NFE2L3: variants seen among roughly 807,000 people sequenced by gnomAD.
NFE2L3 encodes the protein nuclear factor erythroid 2-related factor 3.
A neutral mutation model predicts 23.5 loss-of-function variants in NFE2L3; 18 were observed. That is an observed-to-expected ratio of 0.77 (90% CI 0.53 to 1.13). NFE2L3 has a LOEUF of 1.13. Ranked by LOEUF, NFE2L3 falls within the 50% of genes most tolerant of loss-of-function variation. NFE2L3 has a pLI of 0.00. For missense variants in NFE2L3, 1,152 were observed against 877.2 expected, an observed-to-expected ratio of 1.31 and a Z score of -3.96; for synonymous variants, 424 against 354.5, an observed-to-expected ratio of 1.20 and a Z score of -2.20.
intron 1 of NFE2L3, among the ~76,000 whole-genome samples, chr7:26,176,267 C>G (rs1784403715): frequency 6.6e-6 from 1 of 152,190 alleles, no homozygotes; most frequent in Admixed American, 6.5e-5. Context: ...TCTTTCTACA[C>G]AGACACAGTA....
chr7:26,182,120 A>AT (rs1033661193), intron 2 of NFE2L3, among the ~76,000 whole-genome samples: 7 of 152,084 alleles, frequency 4.6e-5, no homozygotes, highest in African/African-American at 1.7e-4. Flanking sequence ...ACGAAAACAA[A>AT]TTAAGTCCTA....
chr7:26,153,123 C>G, intron 1 of NFE2L3, 55 bp downstream of exon 1: 1 of 1,469,160 alleles, frequency 6.8e-7, no homozygotes, highest in Non-Finnish European at 9.0e-7. Flanking sequence ...CCGGGAGCCC[C>G]CGAGGCTTGT....
At chr7:26,178,222 C>A in intron 2 of NFE2L3, 100 bp downstream of exon 2, 1 of 940,850 alleles carries the variant, frequency 1.1e-6, no homozygotes, top group Non-Finnish European at 1.6e-6. Flanking sequence ...AAACAGTATG[C>A]TCTACTATTA....
chr7:26,181,519 A>G (rs2128100028), intron 2 of NFE2L3, among the ~76,000 whole-genome samples: 1 of 152,194 alleles, frequency 6.6e-6, no homozygotes, highest in East Asian at 1.9e-4. Context: ...ATAAGATCTG[A>G]ATGCACACTA....
Position 26,185,939 on chromosome 7 carries a change from A to C in NFE2L3, c.*156A>C. 4.6e-6 allele frequency: 3 copies of C among 648,124 alleles called. No homozygotes were observed. The highest frequency in any genetic ancestry group is 7.5e-6 in the Non-Finnish European group (3 of 398,374). 40.1% of individuals were successfully genotyped at this position (648,124 alleles called of 1,614,324 possible). A position where few individuals can be genotyped will look rare whatever the true frequency, so the allele number is the denominator to read the frequency against. On this transcript the variant is annotated 3_prime_UTR_variant, in exon 4 of 4. Coordinates refer to ENST00000056233, the MANE Select transcript of NFE2L3 (RefSeq NM_004289.7). ...GCTGTTTTGAAGCTTACATGGACAA[A>C]TGTTTAGGACTTCAAGATCACACTT...
chr7:26,179,816 AGAACATAG>A (rs1480190221), intron 2 of NFE2L3, among the ~76,000 whole-genome samples: 2 of 152,190 alleles, frequency 1.3e-5, no homozygotes, highest in African/African-American at 4.8e-5. Context: ...TGGGGTGCTA[AGAACATAG>A]GAAATTGTTT....
At chr7:26,176,166 G>C (rs982426285) in intron 1 of NFE2L3, among the ~76,000 whole-genome samples, 22 of 152,132 alleles carry the variant, frequency 1.4e-4, no homozygotes, top group African/African-American at 4.6e-4. Context: ...TCAGAGAGCA[G>C]GGGGTTGGGA....
chr7:26,156,965 A>AGC (rs1439299184), intron 1 of NFE2L3, among the ~76,000 whole-genome samples: 1 of 152,084 alleles, frequency 6.6e-6, no homozygotes, highest in Non-Finnish European at 1.5e-5. Context: ...ACTAAAAATT[A>AGC]GCCGGGCACG....
chr7:26,159,019 C>T (rs1220570572), intron 1 of NFE2L3, among the ~76,000 whole-genome samples: 4 of 152,210 alleles, frequency 2.6e-5, no homozygotes, highest in Non-Finnish European at 4.4e-5. Flanking sequence ...AATTTACTCC[C>T]GTCCATTGTG....
chr7:26,172,897 C>T (rs1336380592), intron 1 of NFE2L3, among the ~76,000 whole-genome samples: 2 of 152,110 alleles, frequency 1.3e-5, no homozygotes, highest in Admixed American at 6.5e-5. Context: ...CAGAGTGATA[C>T]TTTGAGACTC....
chr7:26,180,923 T>C (rs764693012), intron 2 of NFE2L3, among the ~76,000 whole-genome samples: 3 of 152,216 alleles, frequency 2.0e-5, no homozygotes, highest in Admixed American at 1.3e-4. Context: ...ATCTCCATGT[T>C]CCTAGCCTGA....
chr7:26,153,078 G>A lies in NFE2L3; in HGVS notation c.570+10G>A. 1.3e-6 allele frequency: 2 copies of A among 1,520,936 alleles called. No homozygotes were observed. The highest frequency in any genetic ancestry group is 1.8e-6 in the Non-Finnish European group (2 of 1,138,778). The allele number at this position is 1,520,936 out of a possible 1,614,324, so 94.2% of individuals were successfully genotyped here. A position where few individuals can be genotyped will look rare whatever the true frequency, so the allele number is the denominator to read the frequency against. On this transcript the variant is annotated intron_variant, in intron 1 of 3. Transcript: ENST00000056233. The stretch of plus-strand genomic sequence containing the variant: ...CGGATGTGCGAGCGAGGTAGGTGCA[G>A]AGCGGGAAGCGAGCGAAGTGCGGCG...
At chr7:26,163,368 C>G (rs979660558) in intron 1 of NFE2L3, among the ~76,000 whole-genome samples, 2 of 152,108 alleles carry the variant, frequency 1.3e-5, no homozygotes, top group Admixed American at 1.3e-4. Context: ...TTTTTTGAAA[C>G]GGAGATTTGC....
intron 1 of NFE2L3, among the ~76,000 whole-genome samples, chr7:26,172,701 G>C (rs1320105921): frequency 6.6e-6 from 1 of 152,188 alleles, no homozygotes; most frequent in Admixed American, 6.5e-5. Flanking sequence ...TCAATGATTA[G>C]ATTGAGATTA....
rs752243140 is a variant in NFE2L3, at chr7:26,178,041, T to C, written c.669T>C (p.Leu223=). The C allele has an allele frequency of 2.2e-5, 36 of 1,614,016 alleles. No homozygotes were observed. The highest frequency in any genetic ancestry group is 3.1e-5 in the Non-Finnish European group (36 of 1,180,000). ...ERVSAQKENS[L]QQNDDDENKI... is the part of the protein sequence containing the mutation. ...TGTCAGCCCAGAAGGAGAACTCACT[T>C]CAGCAGAATGATGATGATGAAAACA... Residue 223 remains leucine (L), a synonymous_variant, in exon 2 of 4, where the codon CTT becomes CTC. Coordinates refer to ENST00000056233, the MANE Select transcript of NFE2L3 (RefSeq NM_004289.7).
At chr7:26,182,629 A>T (rs961181131) in intron 2 of NFE2L3, among the ~76,000 whole-genome samples, 1 of 149,232 alleles carries the variant, frequency 6.7e-6, no homozygotes, top group African/African-American at 2.6e-5. Context: ...CTGTCTCAAA[A>T]TAATTCCATG....
rs1381930231 is a variant in NFE2L3, at chr7:26,152,662, C to G, written c.164C>G (p.Ser55Cys). ...CTGTTCCTGGGCGGCCCGGCCAGCT[C>G]CGCCTACGCGCTCAGCCCCTTCTCG... The part of the protein sequence containing the change: ...ELLFLGGPAS[S>C]AYALSPFSAS... The change falls in exon 1 of 4, where the codon TCC becomes TGC. Residue 55 changes from serine to cysteine, a missense_variant. Transcript: ENST00000056233. The surrounding 1 kb of genome is among the most constrained non-coding windows in gnomAD (Gnocchi z 4.4). 2 of 1,494,320 alleles carry G rather than the reference C, an allele frequency of 1.3e-6. No homozygotes were observed. The highest frequency in any genetic ancestry group is 2.2e-5 in the Admixed American group (1 of 45,544). 92.6% of individuals were successfully genotyped at this position (1,494,320 alleles called of 1,614,324 possible).
chr7:26,152,366 C>G lies in NFE2L3; in HGVS notation c.-133C>G. Reference sequence around the variant, plus strand: ...GAACCCGCGACGGCCGCCACGCGCCCCGGTCCATTGTTTCGCTTATCTGGG... The same window carrying G: ...GAACCCGCGACGGCCGCCACGCGCCGCGGTCCATTGTTTCGCTTATCTGGG... On this transcript the variant is annotated 5_prime_UTR_variant, in exon 1 of 4. Transcript: ENST00000056233. The surrounding 1 kb of genome is among the most constrained non-coding windows in gnomAD (Gnocchi z 4.4). 4 of 565,402 alleles carry G rather than the reference C, an allele frequency of 7.1e-6. No individual in the cohort carries two copies. The highest frequency in any genetic ancestry group is 9.9e-6 in the Non-Finnish European group (4 of 404,384). The allele number at this position is 565,402 out of a possible 1,614,324, so 35.0% of individuals were successfully genotyped here. A position where few individuals can be genotyped will look rare whatever the true frequency, so the allele number is the denominator to read the frequency against.
rs535917965 is a variant in NFE2L3 at position 26,183,176 on chromosome 7, A to G, written c.751-525A>G. Reference sequence around the variant, plus strand: ...TAACAATTAGCCAAAAATTACATGGAAGTTGTTTATGGTAGGAATAGAAAT... The same window carrying G: ...TAACAATTAGCCAAAAATTACATGGGAGTTGTTTATGGTAGGAATAGAAAT... On this transcript the variant is annotated intron_variant, in intron 2 of 3. Coordinates refer to ENST00000056233, the MANE Select transcript of NFE2L3 (RefSeq NM_004289.7). Among the ~76,000 whole-genome samples, 6 of 152,256 alleles carry G rather than the reference A, an allele frequency of 3.9e-5. No homozygotes were observed. The South Asian group carries it at 6.2e-4, about 16-fold the overall frequency.
Sources: gnomAD v4.1 joint callset for allele counts (sites outside exome capture counted in the v4.1 genomes callset) on GRCh38, gnomAD v4.1.1 for gene constraint, Gnocchi (gnomAD v3.1) non-coding constraint, MANE v1.5 for transcripts, NCBI Gene and HGNC (gene_info 2026-07-23, HGNC 2026-07-21) for gene names.